Variants in CMSS1 observed in about 807,000 individuals in gnomAD.
CMSS1 encodes the protein cms1 ribosomal small subunit homolog.
CMSS1 carries 33 observed loss-of-function variants against 43.5 expected under a neutral mutation model. That is an observed-to-expected ratio of 0.76 (90% CI 0.57 to 1.01). The LOEUF is 1.01. Ranked by LOEUF, CMSS1 falls within the 50% of genes least tolerant of loss-of-function variation. CMSS1 has a pLI of 0.00. For synonymous variants in CMSS1, 115 were observed against 117.2 expected, an observed-to-expected ratio of 0.98 and a Z score of 0.12; for missense variants, 313 against 326.4, an observed-to-expected ratio of 0.96 and a Z score of 0.32.
chr3:100,154,648 T>C (rs1224243539), intron 2 of CMSS1, among the ~76,000 whole-genome samples: 1 of 152,222 alleles, frequency 6.6e-6, no homozygotes, highest in African/African-American at 2.4e-5. Flanking sequence ...TTTTTTATTT[T>C]TACCAACCTA....
intron 1 of CMSS1, among the ~76,000 whole-genome samples, chr3:99,908,379 C>T (rs1043159427): frequency 2.0e-5 from 3 of 152,232 alleles, no homozygotes; most frequent in African/African-American, 7.2e-5. Flanking sequence ...CTTAAAAGAA[C>T]ATTTGAACCA....
In CMSS1 at chr3:100,180,261, G is replaced by C. The variant is rs2067176865; in HGVS notation, c.*1873G>C. 6.6e-6 allele frequency: 1 copy of C among 152,206 alleles called. No homozygotes were observed. Among genetic ancestry groups the C allele is most frequent in the South Asian group, 2.1e-4 (1 of 4,830 alleles). The allele number at this position is 152,206 out of a possible 1,614,324, so 9.4% of individuals were successfully genotyped here. ...CCATTGTTTTGGCTATTAACATTTGGCTCCTCTTGTGCAAACTTCTGCAGT... is the reference window on the plus strand; with the variant it reads ...CCATTGTTTTGGCTATTAACATTTGCCTCCTCTTGTGCAAACTTCTGCAGT... On this transcript the variant is annotated 3_prime_UTR_variant, in exon 10 of 10. Coordinates refer to ENST00000421999, the MANE Select transcript of CMSS1 (RefSeq NM_032359.4).
At chr3:100,089,980 A>G (rs2066075870) in intron 1 of CMSS1, among the ~76,000 whole-genome samples, 2 of 152,186 alleles carry the variant, frequency 1.3e-5, no homozygotes, top group African/African-American at 4.8e-5. Context: ...TAGTACACTC[A>G]TCTTCCCTAC....
intron 1 of CMSS1, among the ~76,000 whole-genome samples, chr3:100,014,903 T>A (rs1185700265): frequency 1.4e-5 from 2 of 142,468 alleles, no homozygotes. Flanking sequence ...TTCTTTTTTT[T>A]TTTTTTTTTT....
chr3:99,844,347 T>G (rs1333116817), intron 1 of CMSS1, among the ~76,000 whole-genome samples: 1 of 152,228 alleles, frequency 6.6e-6, no homozygotes, highest in Non-Finnish European at 1.5e-5. Flanking sequence ...TGAGATACGC[T>G]GATCTATAAG....
intron 2 of CMSS1, among the ~76,000 whole-genome samples, chr3:100,154,671 A>T (rs1222901518): frequency 1.3e-5 from 2 of 152,212 alleles, no homozygotes; most frequent in Non-Finnish European, 2.9e-5. Context: ...AATCATACAT[A>T]TATTTTTAAA....
At chr3:99,895,454 T>G (rs1389704053) in intron 1 of CMSS1, among the ~76,000 whole-genome samples, 1 of 151,998 alleles carries the variant, frequency 6.6e-6, no homozygotes, top group Non-Finnish European at 1.5e-5. Context: ...GGTACTGTAT[T>G]TCCTTCCGCT....
intron 1 of CMSS1, among the ~76,000 whole-genome samples, chr3:100,057,892 T>C (rs976614677): frequency 2.0e-5 from 3 of 152,214 alleles, no homozygotes; most frequent in Admixed American, 6.5e-5. Flanking sequence ...TATGTATTCC[T>C]CAAAGATCCT....
intron 1 of CMSS1, among the ~76,000 whole-genome samples, chr3:100,061,355 G>A (rs2065562821): frequency 6.6e-6 from 1 of 152,188 alleles, no homozygotes; most frequent in Non-Finnish European, 1.5e-5. Context: ...TTCACAGGTG[G>A]TTGAGGACCC....
At chr3:99,840,893 G>A (rs1943102972) in intron 1 of CMSS1, among the ~76,000 whole-genome samples, 1 of 152,202 alleles carries the variant, frequency 6.6e-6, no homozygotes. Flanking sequence ...CTGAGGCTTT[G>A]TTAATCTACT....
At position 99,940,860 on chromosome 3, in the gene CMSS1, A is replaced by C. The variant is rs371348062; in HGVS notation, c.64+122817A>C. On this transcript the variant is annotated intron_variant, in intron 1 of 9. Transcript: ENST00000421999. Reference sequence around the variant, plus strand: ...GGAGGTCAAGAGTTTCCATCTTTACATTCCAACGTGAGGTCTTCCCTTTCT... The same window carrying C: ...GGAGGTCAAGAGTTTCCATCTTTACCTTCCAACGTGAGGTCTTCCCTTTCT... 3.9e-5 allele frequency among the ~76,000 whole-genome samples: 6 copies of C among 152,208 alleles called. No homozygotes were observed. The East Asian group carries it at 9.6e-4, about 24-fold the overall frequency.
chr3:100,066,271 A>G (rs1328788619), intron 1 of CMSS1, among the ~76,000 whole-genome samples: 1 of 152,310 alleles, frequency 6.6e-6, no homozygotes, highest in East Asian at 1.9e-4. Context: ...TATTATTTTA[A>G]TGAGAGTCAA....
intron 6 of CMSS1, among the ~76,000 whole-genome samples, chr3:100,168,386 C>T (rs962385040): frequency 5.3e-5 from 8 of 152,240 alleles, no homozygotes; most frequent in African/African-American, 1.9e-4. Flanking sequence ...AAAGATCTGA[C>T]TTAAAATAGT....
chr3:100,172,040 T>C, intron 7 of CMSS1, 141 bp downstream of exon 7: 1 of 713,996 alleles, frequency 1.4e-6, no homozygotes, highest in Non-Finnish European at 2.4e-6. Context: ...TCTGGTTTTT[T>C]AAATTCTATG....
chr3:99,940,672 A>G (rs144389729), intron 1 of CMSS1, among the ~76,000 whole-genome samples: 3 of 152,312 alleles, frequency 2.0e-5, no homozygotes, highest in African/African-American at 2.4e-5. Flanking sequence ...AAAGATAAAA[A>G]TGCACCTTTC....
intron 1 of CMSS1, among the ~76,000 whole-genome samples, chr3:99,869,401 A>G (rs1299673522): frequency 2.0e-5 from 3 of 152,216 alleles, no homozygotes; most frequent in Non-Finnish European, 4.4e-5. Flanking sequence ...CTCAAGAATA[A>G]TATGCGACTT....
intron 1 of CMSS1, among the ~76,000 whole-genome samples, chr3:100,055,507 T>C (rs1050616264): frequency 6.6e-6 from 1 of 152,232 alleles, no homozygotes; most frequent in Non-Finnish European, 1.5e-5. Context: ...CTAAAGACTG[T>C]CTTTACCTTT....
Position 99,874,008 on chromosome 3 carries a change from G to C in CMSS1, c.64+55965G>C, listed in dbSNP as rs542786154. Among the ~76,000 whole-genome samples, 3 of 152,332 alleles carry C rather than the reference G, an allele frequency of 2.0e-5. No homozygotes were observed. In the South Asian group the frequency reaches 6.2e-4, roughly 32 times the overall value. Reference sequence around the variant, plus strand: ...AGGACTAAGAAATTGCTCATCCAAAGAGCCCAGTGTGAGATAGGGTATCCA... The same window carrying C: ...AGGACTAAGAAATTGCTCATCCAAACAGCCCAGTGTGAGATAGGGTATCCA... On this transcript the variant is annotated intron_variant, in intron 1 of 9. Transcript: ENST00000421999.
intron 1 of CMSS1, among the ~76,000 whole-genome samples, chr3:100,101,418 C>A (rs1405579805): frequency 6.6e-6 from 1 of 152,040 alleles, no homozygotes; most frequent in African/African-American, 2.4e-5. Flanking sequence ...TAGCAGTGGC[C>A]TCAGGTAAAG....
Sources: allele counts gnomAD v4.1 joint callset (sites outside exome capture counted in the v4.1 genomes callset), GRCh38; gene constraint gnomAD v4.1.1; transcripts MANE v1.5; gene names NCBI Gene and HGNC (gene_info 2026-07-23, HGNC 2026-07-21).